Variants in TBX2 observed in about 807,000 individuals in gnomAD.
TBX2 encodes T-box transcription factor TBX2.
Under a neutral mutation model 48.4 loss-of-function variants are expected in TBX2, and 19 were observed. The ratio of observed to expected loss-of-function variants is 0.39; its 90% CI spans 0.27 to 0.58. TBX2 has a LOEUF of 0.58. Ranked by LOEUF, TBX2 falls within the 20% of genes least tolerant of loss-of-function variation. The pLI is 0.54. For missense variants in TBX2, 994 were observed against 1,006.5 expected, an observed-to-expected ratio of 0.99 and a Z score of 0.17; for synonymous variants, 522 against 459.7, an observed-to-expected ratio of 1.14 and a Z score of -1.73.
At position 61,403,185 on chromosome 17, in the gene TBX2, T is replaced by G. The variant is rs1224520699; in HGVS notation, c.788T>G (p.Val263Gly). 1 of 1,613,242 alleles carries G rather than the reference T, an allele frequency of 6.2e-7. No individual in the cohort carries two copies. Among genetic ancestry groups the G allele is most frequent in the Non-Finnish European group, 8.5e-7 (1 of 1,180,012 alleles). Residue 263 changes from valine (V) to glycine (G), a missense_variant, in exon 3 of 7, where the codon GTC becomes GGC. This residue lies in a region of TBX2 where 14 missense variants were observed against 43.4 expected (regional missense o/e 0.32). Transcript: ENST00000240328. This position sits in a 1 kb window ranked among gnomAD's most constrained non-coding sequence, Gnocchi z 5.8. ...YVFPETDFIA[V>G]TAYQNDKITQ... The stretch of plus-strand genomic sequence containing the variant: ...TTCCCGGAGACCGACTTCATCGCCG[T>G]CACTGCCTACCAGAATGACAAGGTG...
At chr17:61,405,046 T>A in intron 5 of TBX2, 156 bp from the exon 6 acceptor site, 5 of 1,453,854 alleles carry the variant, frequency 3.4e-6, no homozygotes, top group Non-Finnish European at 4.7e-6. Context: ...ACTGTAAATC[T>A]GGGGTCTTGG....
intron 6 of TBX2, chr17:61,407,406 T>A (rs2060293408): frequency 6.6e-6 from 1 of 152,200 alleles, no homozygotes; most frequent in African/African-American, 2.4e-5. Context: ...CTCAGGAAGG[T>A]GCTTGTCCAG....
In TBX2 at chr17:61,401,923, C is replaced by G; in HGVS notation, c.635C>G (p.Thr212Ser). ...KPVAFHKLKL[T>S]NNISDKHGFT... ...GTGGCCTTCCACAAGCTGAAGCTGA[C>G]CAACAACATCTCTGACAAGCACGGC... Residue 212 changes from threonine to serine, a missense_variant, in exon 2 of 7, where the codon ACC becomes AGC. Thr to Ser is a moderately conservative substitution (Grantham distance 58). This residue lies in a region of TBX2 where 153 missense variants were observed against 166.2 expected (regional missense o/e 0.92). Coordinates refer to ENST00000240328, the MANE Select transcript of TBX2 (RefSeq NM_005994.4). 1 of 1,607,480 alleles carries G rather than the reference C, an allele frequency of 6.2e-7. No individual in the cohort carries two copies. Among genetic ancestry groups the G allele is most frequent in the Middle Eastern group, 1.7e-4 (1 of 6,034 alleles).
rs536635857 is a variant in TBX2, at chr17:61,408,572, G to C, written c.*66G>C. On this transcript the variant is annotated 3_prime_UTR_variant, in exon 7 of 7. Coordinates refer to ENST00000240328, the MANE Select transcript of TBX2 (RefSeq NM_005994.4). ...GCTGCCTGCCCCTGCTGCTTGGGAC[G>C]TGTACAGCACAGAATGAGTATTTAT... The C allele has an allele frequency of 7.4e-7, 1 of 1,359,528 alleles. No homozygotes were observed. The highest frequency in any genetic ancestry group is 9.7e-7 in the Non-Finnish European group (1 of 1,033,922). 84.2% of individuals were successfully genotyped at this position (1,359,528 alleles called of 1,614,324 possible). A position where few individuals can be genotyped will look rare whatever the true frequency, so the allele number is the denominator to read the frequency against.
In TBX2 at chr17:61,405,362, G is replaced by C. The variant is rs140610908; in HGVS notation, c.1212G>C (p.Arg404Ser). 1.9e-6 allele frequency: 3 copies of C among 1,547,594 alleles called. No homozygotes were observed. Among genetic ancestry groups the C allele is most frequent in the East Asian group, 2.4e-5 (1 of 42,062 alleles). Reference sequence around the variant, plus strand: ...CCCGGGAGCGGCGTAGTCCCGAGAGGGGCAAGGAGCCGGCCGAGAGCGGCG... The same window carrying C: ...CCCGGGAGCGGCGTAGTCCCGAGAGCGGCAAGGAGCCGGCCGAGAGCGGCG... ...ERARERRSPE[R>S]GKEPAESGGD... The change falls in exon 6 of 7, where the codon AGG (arginine) becomes AGC (serine). Residue 404 changes from arginine to serine, a missense_variant. Physicochemically the swap from Arg to Ser is moderately radical, Grantham distance 110. This residue lies in a region of TBX2 where 639 missense variants were observed against 613.2 expected (regional missense o/e 1.04). Transcript: ENST00000240328.
rs551335956 is a variant in TBX2 at position 61,403,408 on chromosome 17, A to C, written c.810+201A>C. Among the ~76,000 whole-genome samples the C allele has an allele frequency of 2.0e-5, 3 of 152,380 alleles. No individual in the cohort carries two copies. The highest frequency in any genetic ancestry group is 4.4e-5 in the Non-Finnish European group (3 of 68,036). On this transcript the variant is annotated intron_variant, in intron 3 of 6. Coordinates refer to ENST00000240328, the MANE Select transcript of TBX2 (RefSeq NM_005994.4). The surrounding 1 kb of genome is among the most constrained non-coding windows in gnomAD (Gnocchi z 5.8). The stretch of plus-strand genomic sequence containing the variant: ...GCGCCCTCTCAATCCCACCGCGCGC[A>C]CACACAGGCTCCCCTGGGGCGAGCG...
rs1483805214 is a variant in TBX2 at position 61,400,601 on chromosome 17, C to T, written c.395+30C>T. Reference sequence around the variant, plus strand: ...GGCTGCCGGCCGGCTGGAAGGCGCGCGGGCGGGCGGGCGGGCTGGGGCACG... The same window carrying T: ...GGCTGCCGGCCGGCTGGAAGGCGCGTGGGCGGGCGGGCGGGCTGGGGCACG... On this transcript the variant is annotated intron_variant, in intron 1 of 6. Coordinates refer to ENST00000240328, the MANE Select transcript of TBX2 (RefSeq NM_005994.4). The surrounding 1 kb of genome is among the most constrained non-coding windows in gnomAD (Gnocchi z 9.2). The T allele has an allele frequency of 6.3e-6, 4 of 639,122 alleles. No individual in the cohort carries two copies. Among genetic ancestry groups the T allele is most frequent in the Non-Finnish European group, 7.7e-6 (3 of 391,422 alleles). 39.6% of individuals were successfully genotyped at this position (639,122 alleles called of 1,614,324 possible).
rs2060296959 is a variant in TBX2, at chr17:61,408,276, C to T, written c.1909C>T (p.Leu637Phe). The T allele has an allele frequency of 6.2e-7, 1 of 1,612,670 alleles. No homozygotes were observed. Among genetic ancestry groups the T allele is most frequent in the South Asian group, 1.1e-5 (1 of 91,078 alleles). The change falls in exon 7 of 7, where the codon CTC becomes TTC. Residue 637 changes from leucine (L) to phenylalanine (F), a missense_variant. Leu to Phe is a conservative substitution (Grantham distance 22, BLOSUM62 0). Coordinates refer to ENST00000240328, the MANE Select transcript of TBX2 (RefSeq NM_005994.4). ...PVTIPPSTSL[L>F]TTGLASEGSK... is the part of the protein sequence containing the mutation. The stretch of plus-strand genomic sequence containing the variant: ...CACCATCCCGCCTAGCACTAGCCTC[C>T]TCACCACCGGGCTGGCCTCTGAGGG...
At chr17:61,402,865 A>C (rs1447356880) in intron 2 of TBX2, among the ~76,000 whole-genome samples, 196 bp from the exon 3 acceptor site, 1 of 151,168 alleles carries the variant, frequency 6.6e-6, no homozygotes, top group East Asian at 2.0e-4. Flanking sequence ...GGAAAAGTAG[A>C]AGAAAAAGAA....
intron 5 of TBX2, 66 bp from the exon 6 acceptor site, chr17:61,405,136 G>A (rs1057017725): frequency 1.3e-6 from 2 of 1,483,172 alleles, no homozygotes; most frequent in African/African-American, 2.8e-5. Flanking sequence ...CCCTTCCCGA[G>A]TGTCCCTGAT....
chr17:61,405,620 C>T lies in TBX2; in HGVS notation c.1470C>T (p.Phe490=), dbSNP rs571043591. The T allele has an allele frequency of 5.7e-6, 9 of 1,588,360 alleles. No individual in the cohort carries two copies. The highest frequency in any genetic ancestry group is 2.3e-5 in the South Asian group (2 of 88,344). Residue 490 remains phenylalanine, a synonymous_variant, in exon 6 of 7, where the codon TTC becomes TTT. Coordinates refer to ENST00000240328, the MANE Select transcript of TBX2 (RefSeq NM_005994.4). ...CGCTGGGAGCCGGCCAGCCGCTCTT[C>T]CTGCACCCTGGACAGTTCACCATGG... ...FGPLGAGQPL[F]LHPGQFTMGP...
Position 61,408,236 on chromosome 17 carries a change from C to G in TBX2, c.1869C>G (p.Pro623=). 2.5e-6 allele frequency: 4 copies of G among 1,612,934 alleles called. No individual in the cohort carries two copies. The highest frequency in any genetic ancestry group is 3.4e-6 in the Non-Finnish European group (4 of 1,179,926). Reference sequence around the variant, plus strand: ...CCCGGCCCCGACTGCGTTTCAGCCCCTATCAGATCCCGGTCACCATCCCGC... The same window carrying G: ...CCCGGCCCCGACTGCGTTTCAGCCCGTATCAGATCCCGGTCACCATCCCGC... ...GSARPRLRFS[P]YQIPVTIPPS... Residue 623 remains proline, a synonymous_variant, in exon 7 of 7, where the codon CCC becomes CCG. Coordinates refer to ENST00000240328, the MANE Select transcript of TBX2 (RefSeq NM_005994.4).
rs1473508839 is a variant in TBX2 at position 61,408,190 on chromosome 17, G to A, written c.1823G>A (p.Arg608Gln). ...GCCGCAGCCGCCGGCTCCCTCTCCC[G>A]GAGCCCCTTCCTGGGCAGTGCCCGG... ...AAAAAAGSLS[R>Q]SPFLGSARPR... The change falls in exon 7 of 7, where the codon CGG becomes CAG. Residue 608 changes from arginine to glutamine, a missense_variant. This residue lies in a region of TBX2 where 639 missense variants were observed against 613.2 expected (regional missense o/e 1.04). Coordinates refer to ENST00000240328, the MANE Select transcript of TBX2 (RefSeq NM_005994.4). 9.9e-6 allele frequency: 16 copies of A among 1,612,806 alleles called. 1 individual carries two copies. Among genetic ancestry groups the A allele is most frequent in the Admixed American group, 6.7e-5 (4 of 59,992 alleles).
At position 61,404,319 on chromosome 17, in the gene TBX2, C is replaced by T. The variant is rs868538056; in HGVS notation, c.811-102C>T. 3.6e-6 allele frequency: 5 copies of T among 1,408,294 alleles called. No individual in the cohort carries two copies. The Admixed American group carries it at 6.6e-5, about 19-fold the overall frequency. The allele number at this position is 1,408,294 out of a possible 1,614,324, so 87.2% of individuals were successfully genotyped here. A position where few individuals can be genotyped will look rare whatever the true frequency, so the allele number is the denominator to read the frequency against. On this transcript the variant is annotated intron_variant, in intron 3 of 6. Transcript: ENST00000240328. Reference sequence around the variant, plus strand: ...GGGTGGGTACCAAGTGGACGCTCCCCGGGTCTTCCCTCTGCGGCCAGCACC... The same window carrying T: ...GGGTGGGTACCAAGTGGACGCTCCCTGGGTCTTCCCTCTGCGGCCAGCACC...
chr17:61,408,343 T>C lies in TBX2; in HGVS notation c.1976T>C (p.Leu659Pro). Residue 659 changes from leucine (L) to proline (P), a missense_variant, in exon 7 of 7, where the codon CTG becomes CCG. This residue lies in a region of TBX2 where 639 missense variants were observed against 613.2 expected (regional missense o/e 1.04). Coordinates refer to ENST00000240328, the MANE Select transcript of TBX2 (RefSeq NM_005994.4). ...AGGNSREPSPLPELALRKVGA... is the reference protein window; with the variant it reads ...AGGNSREPSPPPELALRKVGA... ...GGAAACAGCCGGGAGCCTAGCCCCC[T>C]GCCCGAGCTGGCTCTCCGCAAAGTA... The C allele has an allele frequency of 6.3e-7, 1 of 1,598,868 alleles. No individual in the cohort carries two copies.
Position 61,400,575 on chromosome 17 carries a change from G to A in TBX2, c.395+4G>A, listed in dbSNP as rs1426976177. ...TGGTCATCACCAAGTCCGGGAGGTAGGGCTGCCGGCCGGCTGGAAGGCGCG... is the reference window on the plus strand; with the variant it reads ...TGGTCATCACCAAGTCCGGGAGGTAAGGCTGCCGGCCGGCTGGAAGGCGCG... On this transcript the variant is annotated splice_donor_region_variant and intron_variant, in intron 1 of 6. Transcript: ENST00000240328. The surrounding 1 kb of genome is among the most constrained non-coding windows in gnomAD (Gnocchi z 9.2). 5 of 1,547,498 alleles carry A rather than the reference G, an allele frequency of 3.2e-6. No homozygotes were observed. The African/African-American group carries it at 5.5e-5, about 17-fold the overall frequency.
rs774189513 is a variant in TBX2 at position 61,401,873 on chromosome 17, G to A, written c.585G>A (p.Thr195=). 5.2e-5 allele frequency: 84 copies of A among 1,612,866 alleles called. No individual in the cohort carries two copies. Among genetic ancestry groups the A allele is most frequent in the Non-Finnish European group, 6.9e-5 (81 of 1,179,988 alleles). The stretch of plus-strand genomic sequence containing the variant: ...ACATCCACCCAGACAGCCCAGCCAC[G>A]GGGGAGCAGTGGATGGCTAAGCCTG... ...RMYIHPDSPA[T]GEQWMAKPVA... is the part of the protein sequence containing the mutation. The change falls in exon 2 of 7, where the codon ACG becomes ACA. Residue 195 remains threonine, a synonymous_variant. Transcript: ENST00000240328.
rs2060264875 is a variant in TBX2 at position 61,401,808 on chromosome 17, G to A, written c.520G>A (p.Val174Met). The change falls in exon 2 of 7, where the codon GTG (valine) becomes ATG (methionine). Residue 174 changes from valine to methionine, a missense_variant. By Grantham distance (21) the Val-to-Met change is conservative. Coordinates refer to ENST00000240328, the MANE Select transcript of TBX2 (RefSeq NM_005994.4). ...RYKFHNSRWM[V>M]AGKADPEMPK... ...TAAGTTCCACAACTCGCGCTGGATGGTGGCGGGCAAGGCCGACCCTGAGAT... is the reference window on the plus strand; with the variant it reads ...TAAGTTCCACAACTCGCGCTGGATGATGGCGGGCAAGGCCGACCCTGAGAT... The A allele has an allele frequency of 6.2e-7, 1 of 1,613,038 alleles. No individual in the cohort carries two copies. Among genetic ancestry groups the A allele is most frequent in the Non-Finnish European group, 8.5e-7 (1 of 1,180,038 alleles).
chr17:61,405,857 G>A, intron 6 of TBX2, 21 bp downstream of exon 6: 1 of 1,290,012 alleles, frequency 7.8e-7, no homozygotes, highest in Non-Finnish European at 9.8e-7. Context: ...TGACCCCGCG[G>A]CAGCGCCAGC....
Sources: allele counts gnomAD v4.1 joint callset (sites outside exome capture counted in the v4.1 genomes callset), GRCh38; gene constraint gnomAD v4.1.1; regional missense constraint gnomAD v4.1.1; non-coding constraint Gnocchi (gnomAD v3.1); transcripts MANE v1.5; gene names NCBI Gene and HGNC (gene_info 2026-07-23, HGNC 2026-07-21).